The following ZNF286A variants were observed in gnomAD, a reference collection of about 807,000 sequenced individuals.
ZNF286A encodes the protein zinc finger protein ZNF286.
Under a neutral mutation model 49.3 loss-of-function variants are expected in ZNF286A, and 34 were observed. The ratio of observed to expected loss-of-function variants is 0.69; its 90% CI spans 0.52 to 0.92. ZNF286A has a LOEUF of 0.92. ZNF286A is among the 40% of genes least tolerant of loss of function. ZNF286A has a pLI of 0.00. For missense variants in ZNF286A, 462 were observed against 600.2 expected, an observed-to-expected ratio of 0.77 and a Z score of 2.41; for synonymous variants, 155 against 200.4, an observed-to-expected ratio of 0.77 and a Z score of 1.91.
chr17:15,708,090 C>A, intron 4 of ZNF286A, 65 bp from the exon 5 acceptor site: 2 of 1,204,674 alleles, frequency 1.7e-6, no homozygotes, highest in South Asian at 2.4e-5. Flanking sequence ...TTGAAGAAAA[C>A]TTCCACAAAT....
intron 5 of ZNF286A, among the ~76,000 whole-genome samples, chr17:15,713,179 C>T (rs1256982804): frequency 6.6e-6 from 1 of 151,890 alleles, no homozygotes; most frequent in African/African-American, 2.4e-5. Context: ...TTGATTGAGC[C>T]CAGGAGTTAG....
chr17:15,712,147 C>G (rs1401940478), intron 5 of ZNF286A, among the ~76,000 whole-genome samples: 2 of 152,220 alleles, frequency 1.3e-5, no homozygotes, highest in African/African-American at 4.8e-5. Context: ...GCTGGGATTA[C>G]AGGCGTGAGC....
rs983706279 is a variant in ZNF286A at position 15,710,033 on chromosome 17, A to G, written c.334+1786A>G. 9.2e-5 allele frequency: 78 copies of G among 851,650 alleles called. No individual in the cohort carries two copies. The African/African-American group carries it at 1.1e-3, about 12-fold the overall frequency. The allele number at this position is 851,650 out of a possible 1,614,324, so 52.8% of individuals were successfully genotyped here. On this transcript the variant is annotated intron_variant, in intron 5 of 5. Transcript: ENST00000583566. ...TTCATTTCTCTGAGTGATAAATACAAGTTTGAGCATTTCATGTTACTTGGC... is the reference window on the plus strand; with the variant it reads ...TTCATTTCTCTGAGTGATAAATACAGGTTTGAGCATTTCATGTTACTTGGC...
intron 3 of ZNF286A, chr17:15,704,715 C>T: frequency 1.2e-6 from 2 of 1,613,884 alleles, no homozygotes. Flanking sequence ...GCAGGAGTTT[C>T]ATGCGGAACA....
rs964240251 is a variant in ZNF286A, at chr17:15,720,665, T to C, written c.*3375T>C. 3.5e-4 allele frequency: 52 copies of C among 148,640 alleles called. 1 individual carries two copies. The highest frequency in any genetic ancestry group is 1.6e-3 in the Admixed American group (23 of 14,830). The allele number at this position is 148,640 out of a possible 1,614,324, so 9.2% of individuals were successfully genotyped here. A position where few individuals can be genotyped will look rare whatever the true frequency, so the allele number is the denominator to read the frequency against. On this transcript the variant is annotated 3_prime_UTR_variant, in exon 6 of 6. Coordinates refer to ENST00000583566, the MANE Select transcript of ZNF286A (RefSeq NM_001130842.2). ...TGTTTAACCTGCCACATGTTTGTAC[T>C]GCAACATGAATCTTGGAAATTTTAA...
At chr17:15,706,678 G>C (rs562382703) in intron 4 of ZNF286A, among the ~76,000 whole-genome samples, 177 bp downstream of exon 4, 1 of 152,256 alleles carries the variant, frequency 6.6e-6, no homozygotes, top group East Asian at 1.9e-4. Flanking sequence ...GTCTGTGCTT[G>C]TTTTGTATCA....
At chr17:15,703,010 C>G (rs528073090) in intron 3 of ZNF286A, among the ~76,000 whole-genome samples, 4 of 152,278 alleles carry the variant, frequency 2.6e-5, no homozygotes, top group East Asian at 3.9e-4. Flanking sequence ...AGATTCTCTT[C>G]TAGTCATTCT....
Position 15,701,409 on chromosome 17 carries a change from A to G in ZNF286A, c.126+169A>G, listed in dbSNP as rs1317535962. 9 of 521,840 alleles carry G rather than the reference A, an allele frequency of 1.7e-5. No individual in the cohort carries two copies. The East Asian group carries it at 2.9e-4, about 17-fold the overall frequency. 32.3% of individuals were successfully genotyped at this position (521,840 alleles called of 1,614,324 possible). A position where few individuals can be genotyped will look rare whatever the true frequency, so the allele number is the denominator to read the frequency against. On this transcript the variant is annotated intron_variant, in intron 3 of 5. Transcript: ENST00000583566. ...ATGGACTCAGAAGAAAATGTTTTCT[A>G]CTTATAACACTGGATGGATTTCTTC...
In ZNF286A at chr17:15,716,641, C is replaced by A. The variant is rs1283700132; in HGVS notation, c.917C>A (p.Thr306Asn). The change falls in exon 6 of 6, where the codon ACC becomes AAC. Residue 306 changes from threonine to asparagine, a missense_variant. This residue lies in a region of ZNF286A where 201 missense variants were observed against 311.3 expected (regional missense o/e 0.65). Coordinates refer to ENST00000583566, the MANE Select transcript of ZNF286A (RefSeq NM_001130842.2). The part of the protein sequence containing the change: ...ILFECSECKK[T>N]FTESSSLATH... ...TTTGAATGCAGTGAATGCAAGAAAA[C>A]CTTCACAGAAAGCTCATCCCTTGCA... 6.2e-7 allele frequency: 1 copy of A among 1,614,086 alleles called. No homozygotes were observed. Among genetic ancestry groups the A allele is most frequent in the East Asian group, 2.2e-5 (1 of 44,868 alleles).
rs376374666 is a variant in ZNF286A at position 15,716,685 on chromosome 17, G to T, written c.961G>T (p.Val321Phe). The change falls in exon 6 of 6, where the codon GTT becomes TTT. Residue 321 changes from valine (V) to phenylalanine (F), a missense_variant. Around this residue, in one of 3 missense-constraint regions of ZNF286A, gnomAD observed 201 missense variants for 311.3 expected, o/e 0.65. Coordinates refer to ENST00000583566, the MANE Select transcript of ZNF286A (RefSeq NM_001130842.2). The stretch of plus-strand genomic sequence containing the variant: ...CCTTGCAACACATCAGAGAATTCAC[G>T]TTGGAGAGAGACCTTATGAATGCAA... The part of the protein sequence containing the change: ...SSLATHQRIH[V>F]GERPYECNEC... The T allele has an allele frequency of 6.2e-7, 1 of 1,613,908 alleles. No homozygotes were observed. The highest frequency in any genetic ancestry group is 8.5e-7 in the Non-Finnish European group (1 of 1,179,870).
At chr17:15,701,410 C>T (rs1989766875) in intron 3 of ZNF286A, 170 bp downstream of exon 3, 1 of 520,964 alleles carries the variant, frequency 1.9e-6, no homozygotes, top group Non-Finnish European at 3.4e-6. Flanking sequence ...ATGTTTTCTA[C>T]TTATAACACT....
intron 3 of ZNF286A, chr17:15,704,925 C>T (rs1597710548): frequency 2.0e-6 from 3 of 1,477,232 alleles, no homozygotes; most frequent in East Asian, 5.1e-5. Flanking sequence ...GGGGGCGGGT[C>T]CCCCCGGCCC....
At chr17:15,704,930 C>A (rs1990100053) in intron 3 of ZNF286A, 2 of 1,563,784 alleles carry the variant, frequency 1.3e-6, no homozygotes, top group Non-Finnish European at 1.7e-6. Context: ...CGGGTCCCCC[C>A]GGCCCCCTTC....
In ZNF286A at chr17:15,717,823, C is replaced by T. The variant is rs1161934284; in HGVS notation, c.*533C>T. 6.4e-6 allele frequency: 1 copy of T among 155,864 alleles called. No individual in the cohort carries two copies. Among genetic ancestry groups the T allele is most frequent in the East Asian group, 1.9e-4 (1 of 5,270 alleles). 9.7% of individuals were successfully genotyped at this position (155,864 alleles called of 1,614,324 possible). ...TGCTGGGTTCAAAGTCCTTAGAATT[C>T]CCTTCCTCCCTCAACAAGCTGCTGT... On this transcript the variant is annotated 3_prime_UTR_variant, in exon 6 of 6. Coordinates refer to ENST00000583566, the MANE Select transcript of ZNF286A (RefSeq NM_001130842.2).
intron 3 of ZNF286A, among the ~76,000 whole-genome samples, 153 bp from the exon 4 acceptor site, chr17:15,706,234 C>T (rs1255623150): frequency 6.6e-5 from 10 of 152,092 alleles, no homozygotes; most frequent in Admixed American, 2.0e-4. Context: ...TAAAATACTC[C>T]GAATCTGACG....
intron 5 of ZNF286A, among the ~76,000 whole-genome samples, chr17:15,710,528 A>G (rs1257982944): frequency 2.0e-5 from 3 of 152,208 alleles, no homozygotes; most frequent in Admixed American, 6.5e-5. Context: ...GTTCCTCAGC[A>G]TACTTAGTTC....
intron 1 of ZNF286A, 163 bp from the exon 2 acceptor site, chr17:15,699,972 G>T: frequency 3.2e-6 from 2 of 618,474 alleles, no homozygotes; most frequent in Non-Finnish European, 5.8e-6. Flanking sequence ...CGGGGTGGTC[G>T]CGGGGTTCTG....
chr17:15,701,254 G>A lies in ZNF286A; in HGVS notation c.126+14G>A. The stretch of plus-strand genomic sequence containing the variant: ...GCCAGATCCCAGGTGAGTGAGTGCT[G>A]ATTATTGGAATTACACCTTGTTTCT... On this transcript the variant is annotated intron_variant, in intron 3 of 5. Coordinates refer to ENST00000583566, the MANE Select transcript of ZNF286A (RefSeq NM_001130842.2). 6.2e-7 allele frequency: 1 copy of A among 1,612,838 alleles called. No homozygotes were observed.
intron 5 of ZNF286A, among the ~76,000 whole-genome samples, chr17:15,712,476 A>G (rs181312728): frequency 6.6e-6 from 1 of 152,332 alleles, no homozygotes; most frequent in Non-Finnish European, 1.5e-5. Context: ...AATGTCTAAA[A>G]TAAGTCTAAA....
Sources: gnomAD v4.1 joint callset for allele counts (sites outside exome capture counted in the v4.1 genomes callset) on GRCh38, gnomAD v4.1.1 for gene constraint, gnomAD v4.1.1 regional missense constraint, MANE v1.5 for transcripts, NCBI Gene and HGNC (gene_info 2026-07-23, HGNC 2026-07-21) for gene names.